The following ZNF804B variants were observed in gnomAD, a reference collection of about 807,000 sequenced individuals.
ZNF804B encodes zinc finger 804B.
ZNF804B carries 80 observed loss-of-function variants against 101.4 expected under a neutral mutation model. The observed-to-expected ratio is 0.79, with a 90% confidence interval of 0.66 to 0.95. ZNF804B has a LOEUF of 0.95. ZNF804B is among the 40% of genes least tolerant of loss of function. The probability of loss-of-function intolerance (pLI) is 0.00; values close to 1 mark genes in which losing one functional copy is unlikely to be tolerated. For missense variants in ZNF804B, 1,673 were observed against 1,561.9 expected (o/e 1.07, Z -1.20); for synonymous variants, 622 against 558.8 (o/e 1.11, Z -1.59).
chr7:89,285,522 C>CAAAAAAAAAAAAAAAAAAAAAAAAAA (rs778078214), intron 2 of ZNF804B, among the ~76,000 whole-genome samples: 4 of 22,396 alleles, frequency 1.8e-4, no homozygotes, highest in Admixed American at 8.1e-4. Flanking sequence ...GACTCTGTCT[C>CAAAAAAAAAAAAAAAAAAAAAAAAAA]AAAAAAAAAA....
chr7:88,817,989 G>A (rs924123403), intron 1 of ZNF804B, among the ~76,000 whole-genome samples: 4 of 152,074 alleles, frequency 2.6e-5, no homozygotes, highest in African/African-American at 9.7e-5. Context: ...ATAATTTTGT[G>A]AGATGAGGCC....
chr7:89,108,838 G>A (rs1319671443), intron 1 of ZNF804B, among the ~76,000 whole-genome samples: 2 of 152,092 alleles, frequency 1.3e-5, no homozygotes, highest in African/African-American at 2.4e-5. Flanking sequence ...AGTTAGAAAG[G>A]TTAACCTATA....
At position 88,826,359 on chromosome 7, in the gene ZNF804B, T is replaced by G. The variant is rs961672816; in HGVS notation, c.108+66275T>G. Among the ~76,000 whole-genome samples, 25 of 152,134 alleles carry G rather than the reference T, an allele frequency of 1.6e-4. 1 individual carries two copies. The highest frequency in any genetic ancestry group is 1.5e-5 in the Non-Finnish European group (1 of 68,018). On this transcript the variant is annotated intron_variant, in intron 1 of 3. Transcript: ENST00000333190. ...GTCACTTAACCTCCCTGCAACTACT[T>G]TTCCTCATCTGTAAACTGCAGAGTT...
chr7:89,108,069 A>G (rs763249946), intron 1 of ZNF804B, among the ~76,000 whole-genome samples: 2 of 152,142 alleles, frequency 1.3e-5, no homozygotes, highest in Non-Finnish European at 2.9e-5. Flanking sequence ...GAAAGCAATC[A>G]TGAAACATCT....
chr7:89,107,568 A>C lies in ZNF804B; in HGVS notation c.109-110587A>C, dbSNP rs181876302. Among the ~76,000 whole-genome samples, 60 of 152,264 alleles carry C rather than the reference A, an allele frequency of 3.9e-4. 2 individuals are homozygous for C. The highest frequency in any genetic ancestry group is 1.3e-3 in the African/African-American group (55 of 41,556). ...TAAGTCTAAAAGACAGAAATTATAAACTCATTAGCGGATACATGTGAACAG... is the reference window on the plus strand; with the variant it reads ...TAAGTCTAAAAGACAGAAATTATAACCTCATTAGCGGATACATGTGAACAG... On this transcript the variant is annotated intron_variant, in intron 1 of 3. Coordinates refer to ENST00000333190, the MANE Select transcript of ZNF804B (RefSeq NM_181646.5).
intron 1 of ZNF804B, among the ~76,000 whole-genome samples, chr7:88,819,748 A>G (rs13438612): frequency 0.019 from 2,909 of 152,294 alleles, 87 homozygotes; most frequent in African/African-American, 0.066. Context: ...TTATAAAAAT[A>G]CATATACATT....
chr7:88,782,605 T>G (rs960186451), intron 1 of ZNF804B, among the ~76,000 whole-genome samples: 1 of 152,166 alleles, frequency 6.6e-6, no homozygotes, highest in Non-Finnish European at 1.5e-5. Flanking sequence ...ATCAAAGAGA[T>G]ATTTTGATGC....
rs557822002 is a variant in ZNF804B, at chr7:89,306,476, C to T, written c.250-20868C>T. Reference sequence around the variant, plus strand: ...CAATTTTAGTTGCTTAAAACATTGTCATCTCAACTGATCGTGTCTTTTATT... The same window carrying T: ...CAATTTTAGTTGCTTAAAACATTGTTATCTCAACTGATCGTGTCTTTTATT... On this transcript the variant is annotated intron_variant, in intron 2 of 3. Transcript: ENST00000333190. Among the ~76,000 whole-genome samples the T allele has an allele frequency of 2.5e-4, 36 of 143,244 alleles. No homozygotes were observed. The South Asian group carries it at 7.4e-3, about 29-fold the overall frequency. The allele number at this position is 143,244 out of a possible 152,430, so 94.0% of individuals were successfully genotyped here. A position where few individuals can be genotyped will look rare whatever the true frequency, so the allele number is the denominator to read the frequency against.
intron 1 of ZNF804B, among the ~76,000 whole-genome samples, chr7:89,029,677 G>GTCAT (rs1261765648): frequency 1.3e-5 from 2 of 152,092 alleles, no homozygotes; most frequent in African/African-American, 2.4e-5. Context: ...GGTCATTATT[G>GTCAT]TCATTCTTAT....
intron 2 of ZNF804B, among the ~76,000 whole-genome samples, chr7:89,269,681 T>C (rs4637743): frequency 0.12 from 18,542 of 152,056 alleles, 1,214 homozygotes; most frequent in Middle Eastern, 0.26. Flanking sequence ...GTCCCACCAA[T>C]AGTGTAAAAG....
At chr7:89,283,751 A>G in intron 2 of ZNF804B, among the ~76,000 whole-genome samples, 1 of 152,126 alleles carries the variant, frequency 6.6e-6, no homozygotes, top group East Asian at 1.9e-4. Context: ...ATGAATTTAT[A>G]CAAATTATCC....
At chr7:88,773,793 G>A (rs1470425209) in intron 1 of ZNF804B, among the ~76,000 whole-genome samples, 1 of 151,894 alleles carries the variant, frequency 6.6e-6, no homozygotes, top group African/African-American at 2.4e-5. Flanking sequence ...GCCAGAACAG[G>A]GGCAAGAAAG....
chr7:88,939,902 T>C (rs374495816), intron 1 of ZNF804B, among the ~76,000 whole-genome samples: 4 of 152,052 alleles, frequency 2.6e-5, no homozygotes, highest in African/African-American at 9.6e-5. Context: ...ATGATAAAGA[T>C]GTACAAGAAT....
At chr7:88,828,071 T>C (rs959133920) in intron 1 of ZNF804B, among the ~76,000 whole-genome samples, 1 of 152,146 alleles carries the variant, frequency 6.6e-6, no homozygotes, top group Admixed American at 6.6e-5. Context: ...TAGCCTCTCA[T>C]AGCTTCTTCC....
At chr7:89,062,119 C>G (rs1475906525) in intron 1 of ZNF804B, among the ~76,000 whole-genome samples, 1 of 152,088 alleles carries the variant, frequency 6.6e-6, no homozygotes, top group Non-Finnish European at 1.5e-5. Flanking sequence ...AAAGAAGGCC[C>G]TTCTCATCTA....
At chr7:89,044,561 C>G (rs1223172011) in intron 1 of ZNF804B, among the ~76,000 whole-genome samples, 2 of 152,110 alleles carry the variant, frequency 1.3e-5, no homozygotes, top group African/African-American at 4.8e-5. Flanking sequence ...CTTGCCAAAT[C>G]ACTTTGACCA....
intron 1 of ZNF804B, among the ~76,000 whole-genome samples, chr7:89,196,201 A>T (rs937057283): frequency 7.9e-5 from 12 of 152,154 alleles, no homozygotes; most frequent in Non-Finnish European, 1.8e-4. Context: ...CAGTATTAAA[A>T]CAGACCCATA....
intron 1 of ZNF804B, among the ~76,000 whole-genome samples, chr7:88,863,723 A>T (rs1791684107): frequency 6.6e-6 from 1 of 152,196 alleles, no homozygotes; most frequent in African/African-American, 2.4e-5. Flanking sequence ...TTGGACTGTG[A>T]TTTTATTGCT....
chr7:88,854,473 T>TTCTTTCTTTCTTTCTTTCTC (rs1791512645), intron 1 of ZNF804B, among the ~76,000 whole-genome samples: 1 of 109,590 alleles, frequency 9.1e-6, no homozygotes, highest in South Asian at 3.0e-4. Flanking sequence ...CTTTCTTTCT[T>TTCTTTCTTTCTTTCTTTCTC]TCTCTTTCCT....
Sources: gnomAD v4.1 joint callset for allele counts (sites outside exome capture counted in the v4.1 genomes callset) on GRCh38, gnomAD v4.1.1 for gene constraint, MANE v1.5 for transcripts, NCBI Gene and HGNC (gene_info 2026-07-23, HGNC 2026-07-21) for gene names.